The following INPP5A variants were observed in gnomAD, a reference collection of about 807,000 sequenced individuals.
INPP5A encodes inositol polyphosphate-5-phosphatase A.
Under a neutral mutation model 65.2 loss-of-function variants are expected in INPP5A, and 14 were observed. The observed-to-expected ratio is 0.21, with a 90% CI of 0.14 to 0.34. The LOEUF is 0.34. Ranked by LOEUF, INPP5A falls within the 10% of genes least tolerant of loss-of-function variation. INPP5A has a pLI of 1.00. For missense variants in INPP5A, 431 were observed against 545.6 expected, an observed-to-expected ratio of 0.79 and a Z score of 2.09; for synonymous variants, 207 against 208.3, an observed-to-expected ratio of 0.99 and a Z score of 0.05.
intron 12 of INPP5A, among the ~76,000 whole-genome samples, chr10:132,774,881 AGGCAGGGAGGAGG>A (rs1361666383): frequency 7.4e-4 from 7 of 9,454 alleles, no homozygotes; most frequent in Admixed American, 1.5e-3. Flanking sequence ...CAGGGAGGAG[AGGCAGGGAGGAGG>A]GGCAGGGAGG....
Position 132,603,228 on chromosome 10 carries a change from T to G in INPP5A, c.76-4687T>G, listed in dbSNP as rs75421882. Among the ~76,000 whole-genome samples, 7 of 152,168 alleles carry G rather than the reference T, an allele frequency of 4.6e-5. No individual in the cohort carries two copies. Among genetic ancestry groups the G allele is most frequent in the African/African-American group, 1.4e-4 (6 of 41,422 alleles). On this transcript the variant is annotated intron_variant, in intron 1 of 15. Coordinates refer to ENST00000368594, the MANE Select transcript of INPP5A (RefSeq NM_005539.5). The surrounding 1 kb of genome is among the most constrained non-coding windows in gnomAD (Gnocchi z 4.2). ...GCCTCTGGCATCTTGGTCTCTCATGTGGGTATTCTCTATTAGGGGCTGTAT... is the reference window on the plus strand; with the variant it reads ...GCCTCTGGCATCTTGGTCTCTCATGGGGGTATTCTCTATTAGGGGCTGTAT...
rs576828732 is a variant in INPP5A, at chr10:132,739,910, C to T, written c.733-9607C>T. 2.8e-4 allele frequency among the ~76,000 whole-genome samples: 43 copies of T among 152,294 alleles called. No individual in the cohort carries two copies. In the South Asian group the frequency reaches 5.4e-3, roughly 19 times the overall value. On this transcript the variant is annotated intron_variant, in intron 9 of 15. Coordinates refer to ENST00000368594, the MANE Select transcript of INPP5A (RefSeq NM_005539.5). ...TGTATGTTTGATGAGCACTGACGTT[C>T]GGGGGTGCCGCCTGTGTCCACCCCA...
intron 1 of INPP5A, among the ~76,000 whole-genome samples, chr10:132,565,787 G>T (rs2071267049): frequency 6.6e-6 from 1 of 151,820 alleles, no homozygotes; most frequent in South Asian, 2.1e-4. Flanking sequence ...GTGAATGCGT[G>T]TGAGTATGTG....
intron 9 of INPP5A, among the ~76,000 whole-genome samples, chr10:132,740,424 G>A (rs570732774): frequency 3.9e-5 from 6 of 152,262 alleles, no homozygotes; most frequent in South Asian, 2.1e-4. Context: ...GTGTAGTGGC[G>A]CGGCATCCGG....
intron 2 of INPP5A, among the ~76,000 whole-genome samples, chr10:132,618,797 G>A (rs1010973985): frequency 2.6e-5 from 4 of 152,168 alleles, no homozygotes; most frequent in Non-Finnish European, 5.9e-5. Context: ...AAGAGAGAGC[G>A]AGTGGGGATG....
rs147234612 is a variant in INPP5A at position 132,734,834 on chromosome 10, G to A, written c.732+7929G>A. Among the ~76,000 whole-genome samples, 13 of 152,306 alleles carry A rather than the reference G, an allele frequency of 8.5e-5. No homozygotes were observed. In the East Asian group the frequency reaches 2.5e-3, roughly 29 times the overall value. ...TGCATTTTAAAGGAGAGGGAGTGTC[G>A]GAGTCAAAGGCCGGCAGGAGTGTCT... On this transcript the variant is annotated intron_variant, in intron 9 of 15. Transcript: ENST00000368594.
chr10:132,703,329 G>A (rs775179412), intron 6 of INPP5A, among the ~76,000 whole-genome samples: 7 of 150,690 alleles, frequency 4.6e-5, no homozygotes, highest in South Asian at 4.1e-4. Context: ...CATGTTGACC[G>A]CAGGTTTCTC....
intron 2 of INPP5A, among the ~76,000 whole-genome samples, chr10:132,635,867 AG>A (rs2072343061): frequency 6.6e-6 from 1 of 151,232 alleles, no homozygotes; most frequent in South Asian, 2.1e-4. Flanking sequence ...CAGCATCAGG[AG>A]GCTGGAGGCT....
At chr10:132,760,689 G>A (rs779232546) in intron 11 of INPP5A, among the ~76,000 whole-genome samples, 21 of 152,196 alleles carry the variant, frequency 1.4e-4, no homozygotes, top group African/African-American at 2.7e-4. Context: ...GTGGCGCAGC[G>A]TGTGCTTCCT....
intron 7 of INPP5A, among the ~76,000 whole-genome samples, chr10:132,709,972 C>T (rs1397725542): frequency 6.6e-6 from 1 of 152,244 alleles, no homozygotes; most frequent in South Asian, 2.1e-4. Flanking sequence ...ACAGGGTCCC[C>T]GATGGGTGCA....
rs1333062717 is a variant in INPP5A, at chr10:132,546,051, T to C, written c.75+7880T>C. 6.6e-6 allele frequency among the ~76,000 whole-genome samples: 1 copy of C among 152,196 alleles called. No homozygotes were observed. The highest frequency in any genetic ancestry group is 1.5e-5 in the Non-Finnish European group (1 of 68,028). On this transcript the variant is annotated intron_variant, in intron 1 of 15. Coordinates refer to ENST00000368594, the MANE Select transcript of INPP5A (RefSeq NM_005539.5). The surrounding 1 kb of genome is among the most constrained non-coding windows in gnomAD (Gnocchi z 5.7). Reference sequence around the variant, plus strand: ...TGTACGGGGGCCGGCAGCACCGTTGTGTTGGGATGAGTGGCCGAGGCGTCT... The same window carrying C: ...TGTACGGGGGCCGGCAGCACCGTTGCGTTGGGATGAGTGGCCGAGGCGTCT...
chr10:132,579,231 G>A (rs1443673910), intron 1 of INPP5A, among the ~76,000 whole-genome samples: 1 of 151,916 alleles, frequency 6.6e-6, no homozygotes, highest in African/African-American at 2.4e-5. Context: ...GGAGCCTGTG[G>A]GCCGGTGACG....
chr10:132,650,278 C>T lies in INPP5A; in HGVS notation c.219-140C>T. 1.5e-6 allele frequency: 1 copy of T among 656,314 alleles called. No homozygotes were observed. Among genetic ancestry groups the T allele is most frequent in the Admixed American group, 2.1e-5 (1 of 47,314 alleles). 40.7% of individuals were successfully genotyped at this position (656,314 alleles called of 1,614,324 possible). On this transcript the variant is annotated intron_variant, in intron 3 of 15. Transcript: ENST00000368594. The surrounding 1 kb of genome is among the most constrained non-coding windows in gnomAD (Gnocchi z 5.5). ...CTCCTGCGGTGGCTGCCGCCATTCC[C>T]TGCCCTCTGCCTGTCACGGGTGGAT...
chr10:132,538,171 C>T lies in INPP5A; in HGVS notation c.75C>T (p.Asp25=), dbSNP rs562559842. Residue 25 remains aspartate, a splice_region_variant and synonymous_variant, in exon 1 of 16, where the codon GAC becomes GAT. Transcript: ENST00000368594. This position sits in a 1 kb window ranked among gnomAD's most constrained non-coding sequence, Gnocchi z 4.1. ...CCAACGTGGGCTCGCTCTTCGACGA[C>T]GTAAGTCCCCCGTGCCGGCGGCAGG... The part of the protein sequence containing the change: ...VTANVGSLFD[D]PENLQKNWLR... 1.9e-4 allele frequency: 248 copies of T among 1,276,722 alleles called. 1 individual carries two copies. In the East Asian group the frequency reaches 6.4e-3, roughly 33 times the overall value. 79.1% of individuals were successfully genotyped at this position (1,276,722 alleles called of 1,614,324 possible). A position where few individuals can be genotyped will look rare whatever the true frequency, so the allele number is the denominator to read the frequency against.
At position 132,782,811 on chromosome 10, in the gene INPP5A, C is replaced by T. The variant is rs907378616; in HGVS notation, c.*782C>T. ...CGTGGGTAAAATCGGCCCCACAGCA[C>T]GTCTGCACCAGCGGGCCGTTACTCC... On this transcript the variant is annotated 3_prime_UTR_variant, in exon 16 of 16. Transcript: ENST00000368594. This position sits in a 1 kb window ranked among gnomAD's most constrained non-coding sequence, Gnocchi z 4.4. 7 of 152,306 alleles carry T rather than the reference C, an allele frequency of 4.6e-5. No homozygotes were observed. Among genetic ancestry groups the T allele is most frequent in the African/African-American group, 1.2e-4 (5 of 41,396 alleles). The allele number at this position is 152,306 out of a possible 1,614,324, so 9.4% of individuals were successfully genotyped here.
chr10:132,573,403 G>A (rs62635594), intron 1 of INPP5A, among the ~76,000 whole-genome samples: 1,023 of 96,268 alleles, frequency 0.011, no homozygotes, highest in Admixed American at 0.019. Context: ...GTTGGGGTGT[G>A]CGTGCCGTGT....
At chr10:132,708,406 T>TTA in intron 7 of INPP5A, 41 bp downstream of exon 7, 1 of 1,585,812 alleles carries the variant, frequency 6.3e-7, no homozygotes, top group Non-Finnish European at 8.7e-7. Context: ...ATAACGTTTC[T>TTA]TACCCTTTTA....
At chr10:132,597,932 G>A (rs926789857) in intron 1 of INPP5A, among the ~76,000 whole-genome samples, 7 of 149,742 alleles carry the variant, frequency 4.7e-5, no homozygotes, top group South Asian at 2.1e-4. Context: ...CGTCCTGCGG[G>A]GCTGTGCTAC....
rs2134502029 is a variant in INPP5A at position 132,698,714 on chromosome 10, G to A, written c.474+795G>A. ...AGGCACTGAGACGGAAGAGCTGGCA[G>A]CTGGACGCAGGTTTGGGGGCGTCCA... On this transcript the variant is annotated intron_variant, in intron 6 of 15. Transcript: ENST00000368594. The surrounding 1 kb of genome is among the most constrained non-coding windows in gnomAD (Gnocchi z 5.5). Among the ~76,000 whole-genome samples, 1 of 152,334 alleles carries A rather than the reference G, an allele frequency of 6.6e-6. No individual in the cohort carries two copies. Among genetic ancestry groups the A allele is most frequent in the East Asian group, 1.9e-4 (1 of 5,172 alleles).
Sources: gnomAD v4.1 joint callset for allele counts (sites outside exome capture counted in the v4.1 genomes callset) on GRCh38, gnomAD v4.1.1 for gene constraint, Gnocchi (gnomAD v3.1) non-coding constraint, MANE v1.5 for transcripts, NCBI Gene and HGNC (gene_info 2026-07-23, HGNC 2026-07-21) for gene names.